The following CALN1 variants were observed in gnomAD, a reference collection of about 807,000 sequenced individuals.
CALN1 encodes calneuron 1.
CALN1 carries 17 observed loss-of-function variants against 30.6 expected under a neutral mutation model. The ratio of observed to expected loss-of-function variants is 0.56; its 90% CI spans 0.38 to 0.83. The LOEUF is 0.83. Ranked by LOEUF, CALN1 falls within the 40% of genes least tolerant of loss-of-function variation. The pLI is 0.00. For missense variants in CALN1, 291 were observed against 354.9 expected, an observed-to-expected ratio of 0.82 and a Z score of 1.45; for synonymous variants, 156 against 131.4, an observed-to-expected ratio of 1.19 and a Z score of -1.28.
chr7:71,851,925 G>A (rs1351311675), intron 5 of CALN1, among the ~76,000 whole-genome samples: 1 of 152,112 alleles, frequency 6.6e-6, no homozygotes, highest in African/African-American at 2.4e-5. Context: ...TTTTTCCTGA[G>A]AGGATCTGCC....
At chr7:71,837,538 T>C (rs1391118031) in intron 5 of CALN1, among the ~76,000 whole-genome samples, 2 of 152,110 alleles carry the variant, frequency 1.3e-5, no homozygotes, top group Admixed American at 6.5e-5. Flanking sequence ...ACTTAAGAAT[T>C]TGACACCTGG....
chr7:72,435,311 G>C (rs1808118062), intron 1 of CALN1, among the ~76,000 whole-genome samples: 1 of 152,008 alleles, frequency 6.6e-6, no homozygotes, highest in Non-Finnish European at 1.5e-5. Context: ...AGGGGGAAGA[G>C]ACATAGGAAA....
At position 72,412,293 on chromosome 7, in the gene CALN1, A is replaced by T. The variant is rs979445678; in HGVS notation, c.-309T>A. ...GCAGTAAGCTTTATTAAGAAGCAGG[A>T]AAGAAAAAAACACAAACTCAAGCGG... On this transcript the variant is annotated 5_prime_UTR_variant, in exon 1 of 7. Transcript: ENST00000395275. The T allele has an allele frequency of 2.0e-5, 3 of 152,106 alleles. No individual in the cohort carries two copies. Among genetic ancestry groups the T allele is most frequent in the Non-Finnish European group, 2.9e-5 (2 of 68,046 alleles). The allele number at this position is 152,106 out of a possible 1,614,324, so 9.4% of individuals were successfully genotyped here. A position where few individuals can be genotyped will look rare whatever the true frequency, so the allele number is the denominator to read the frequency against.
At chr7:71,789,403 C>T (rs922120715) in intron 6 of CALN1, among the ~76,000 whole-genome samples, 4 of 151,436 alleles carry the variant, frequency 2.6e-5, no homozygotes, top group East Asian at 1.9e-4. Context: ...GGAGACAGAG[C>T]GAGACTCTGT....
At chr7:72,405,056 G>A (rs1250350895) in intron 1 of CALN1, among the ~76,000 whole-genome samples, 1 of 152,170 alleles carries the variant, frequency 6.6e-6, no homozygotes, top group Non-Finnish European at 1.5e-5. Context: ...AACCTCCGAG[G>A]TCTCTGGTTC....
At chr7:72,402,819 T>C (rs1194546625) in intron 2 of CALN1, among the ~76,000 whole-genome samples, 1 of 152,168 alleles carries the variant, frequency 6.6e-6, no homozygotes, top group Non-Finnish European at 1.5e-5. Flanking sequence ...GGTTTGCCTT[T>C]GGCTGTGATC....
intron 5 of CALN1, among the ~76,000 whole-genome samples, chr7:71,964,135 G>A (rs909353691): frequency 6.6e-6 from 1 of 152,172 alleles, no homozygotes. Flanking sequence ...TTTGGCTTAC[G>A]CATTCCCCTA....
At chr7:72,062,252 C>T (rs191823415) in intron 4 of CALN1, among the ~76,000 whole-genome samples, 48 of 152,266 alleles carry the variant, frequency 3.2e-4, no homozygotes, top group Non-Finnish European at 5.7e-4. Flanking sequence ...CAGTGGCTCA[C>T]GCCTGTGATC....
chr7:72,337,564 C>G (rs1802154582), intron 2 of CALN1: 1 of 153,490 alleles, frequency 6.5e-6, no homozygotes, highest in Non-Finnish European at 1.5e-5. Flanking sequence ...ACTGCTGCTC[C>G]TCAGCACAGG....
At chr7:72,364,989 G>A (rs774927615) in intron 2 of CALN1, among the ~76,000 whole-genome samples, 1 of 151,618 alleles carries the variant, frequency 6.6e-6, no homozygotes, top group Non-Finnish European at 1.5e-5. Flanking sequence ...GGCCAACATG[G>A]TGAAACCCAG....
intron 4 of CALN1, among the ~76,000 whole-genome samples, chr7:72,069,686 G>T (rs866077977): frequency 1.3e-5 from 2 of 151,994 alleles, no homozygotes; most frequent in East Asian, 1.9e-4. Flanking sequence ...AACTTAAAAA[G>T]GATTGCAAAG....
intron 4 of CALN1, among the ~76,000 whole-genome samples, chr7:72,103,628 A>G (rs1222098804): frequency 1.3e-5 from 2 of 152,158 alleles, no homozygotes; most frequent in East Asian, 3.9e-4. Context: ...TGCTTTTGCT[A>G]CTGGTCCCAG....
intron 3 of CALN1, among the ~76,000 whole-genome samples, chr7:72,210,190 G>T (rs777627805): frequency 2.4e-4 from 36 of 152,052 alleles, no homozygotes; most frequent in Non-Finnish European, 2.9e-4. Flanking sequence ...CTACCAGGCT[G>T]CTGGGGCTTC....
chr7:72,029,002 T>C (rs1487042277), intron 4 of CALN1, among the ~76,000 whole-genome samples: 2 of 152,070 alleles, frequency 1.3e-5, no homozygotes, highest in Non-Finnish European at 2.9e-5. Context: ...AATATATACA[T>C]ACAGATAGAC....
chr7:71,909,585 G>A (rs950434027), intron 5 of CALN1, among the ~76,000 whole-genome samples: 1 of 152,208 alleles, frequency 6.6e-6, no homozygotes, highest in African/African-American at 2.4e-5. Context: ...TTGAGAGAAT[G>A]AAATTAGGCA....
At chr7:72,500,259 T>C in the CALN1 span, among the ~76,000 whole-genome samples, 1 of 141,064 alleles carries the variant, frequency 7.1e-6, no homozygotes, top group African/African-American at 2.7e-5. Context: ...TGAACTTCTG[T>C]TCGTTCCTTC....
intron 5 of CALN1, among the ~76,000 whole-genome samples, chr7:71,961,868 A>G (rs1019843115): frequency 6.6e-6 from 1 of 151,992 alleles, no homozygotes; most frequent in Non-Finnish European, 1.5e-5. Context: ...TCACAAGCCT[A>G]TTTCCCGCTG....
chr7:72,268,802 C>CAAACACACACACACACAA (rs1403563780), intron 3 of CALN1, among the ~76,000 whole-genome samples: 1 of 151,340 alleles, frequency 6.6e-6, no homozygotes, highest in Admixed American at 6.6e-5. Context: ...GCCACACACA[C>CAAACACACACACACACAA]ACACACACAC....
intron 3 of CALN1, among the ~76,000 whole-genome samples, chr7:72,247,326 G>T (rs1489599375): frequency 1.5e-5 from 2 of 131,584 alleles, no homozygotes; most frequent in African/African-American, 5.8e-5. Context: ...TTGGCTCACT[G>T]CAAGTTCCGC....
Sources: allele counts gnomAD v4.1 joint callset (sites outside exome capture counted in the v4.1 genomes callset), GRCh38; gene constraint gnomAD v4.1.1; transcripts MANE v1.5; gene names NCBI Gene and HGNC (gene_info 2026-07-23, HGNC 2026-07-21).